The following IQCN variants were observed in gnomAD, a reference collection of about 807,000 sequenced individuals.
The protein encoded by IQCN is IQ domain-containing protein N.
A neutral mutation model predicts 64.4 loss-of-function variants in IQCN; 46 were observed. The observed-to-expected ratio is 0.71, with a 90% CI of 0.56 to 0.91. The LOEUF is 0.91. Among genes scored for constraint, IQCN ranks in the 40% least tolerant of loss-of-function variants. The pLI, the probability that IQCN is intolerant of heterozygous loss-of-function variation, is 0.00. For missense variants in IQCN, 1,753 were observed against 1,857.4 expected (o/e 0.94, Z 1.03); for synonymous variants, 733 against 775.6 (o/e 0.95, Z 0.91).
rs60981546 is a variant in IQCN, at chr19:18,270,051, T to TAAAAAAAAAA, written c.-109-474_-109-465dup. ...GGGAAACTAAGCAAGAACTGTCTCT[T>TAAAAAAAAAA]AAAAAAAAAAAAAAAAAAAAAAAAA... On this transcript the variant is annotated intron_variant, in intron 1 of 3. Coordinates refer to ENST00000392413, the MANE Select transcript of IQCN (RefSeq NM_001145304.2). 4.1e-4 allele frequency among the ~76,000 whole-genome samples: 31 copies of TAAAAAAAAAA among 75,828 alleles called. 2 individuals are homozygous for TAAAAAAAAAA. The highest frequency in any genetic ancestry group is 1.8e-3 in the African/African-American group (28 of 15,926). The allele number at this position is 75,828 out of a possible 152,430, so 49.7% of individuals were successfully genotyped here.
rs190505141 is a variant in IQCN, at chr19:18,271,145, C to T, written c.-109-1558G>A. Among the ~76,000 whole-genome samples the T allele has an allele frequency of 4.4e-4, 65 of 146,596 alleles. No homozygotes were observed. The East Asian group carries it at 0.013, about 28-fold the overall frequency. On this transcript the variant is annotated intron_variant, in intron 1 of 3. Transcript: ENST00000392413. ...CGAGATCACGCAACTGCACTCCAGC[C>T]TGGGCGACAGAGTGAGACTCTGTCT...
chr19:18,272,668 T>A (rs1969760323), intron 1 of IQCN, among the ~76,000 whole-genome samples: 3 of 150,706 alleles, frequency 2.0e-5, no homozygotes, highest in Admixed American at 2.0e-4. Context: ...TGGAGTGCAC[T>A]GGCACCATCT....
chr19:18,257,164 G>A lies in IQCN; in HGVS notation c.*16C>T. The A allele has an allele frequency of 2.5e-6, 4 of 1,610,490 alleles. No homozygotes were observed. Among genetic ancestry groups the A allele is most frequent in the Non-Finnish European group, 2.5e-6 (3 of 1,179,536 alleles). On this transcript the variant is annotated 3_prime_UTR_variant, in exon 4 of 4. Coordinates refer to ENST00000392413, the MANE Select transcript of IQCN (RefSeq NM_001145304.2). Reference sequence around the variant, plus strand: ...GAGTGCCTCCCACGAAGTCCCCACTGCAGGGAGCCAGGGTCCTAGATGCCA... The same window carrying A: ...GAGTGCCTCCCACGAAGTCCCCACTACAGGGAGCCAGGGTCCTAGATGCCA...
At chr19:18,260,107 C>T (rs142426858) in intron 3 of IQCN, 71 of 152,678 alleles carry the variant, frequency 4.7e-4, no homozygotes, top group African/African-American at 1.5e-3. Context: ...CAGGCCTCCT[C>T]ATCAGCATGA....
chr19:18,271,817 G>A (rs548323115), intron 1 of IQCN, among the ~76,000 whole-genome samples: 1 of 152,112 alleles, frequency 6.6e-6, no homozygotes, highest in South Asian at 2.1e-4. Context: ...ATTTATTTAT[G>A]ATTTTTGAGA....
At chr19:18,259,624 G>A (rs1228259565) in intron 3 of IQCN, 9 of 152,280 alleles carry the variant, frequency 5.9e-5, no homozygotes, top group Admixed American at 1.3e-4. Context: ...GCCGCACCAC[G>A]ACCAGCCCTG....
chr19:18,258,294 G>T (rs1244999944), intron 3 of IQCN, 188 bp from the exon 4 acceptor site: 1 of 728,184 alleles, frequency 1.4e-6, no homozygotes, highest in Admixed American at 2.0e-5. Flanking sequence ...CGAGGAGTGT[G>T]TCATCTCCCC....
rs1969534017 is a variant in IQCN, at chr19:18,265,325, G to C, written c.2215C>G (p.Leu739Val). 6.2e-7 allele frequency: 1 copy of C among 1,614,078 alleles called. No homozygotes were observed. The highest frequency in any genetic ancestry group is 8.5e-7 in the Non-Finnish European group (1 of 1,180,046). ...VQSQAPLATC[L>V]TKTQSRGQPI... is the part of the protein sequence containing the mutation. ...TGCCCCCGGGACTGCGTCTTGGTCA[G>C]ACAGGTGGCTAGAGGCGCTTGGGAC... Residue 739 changes from leucine to valine, a missense_variant, in exon 3 of 4, where the codon CTG becomes GTG. Transcript: ENST00000392413. The surrounding 1 kb of genome is among the most constrained non-coding windows in gnomAD (Gnocchi z 4.7).
intron 3 of IQCN, among the ~76,000 whole-genome samples, chr19:18,263,018 T>C (rs1321899122): frequency 6.6e-6 from 1 of 152,132 alleles, no homozygotes; most frequent in Non-Finnish European, 1.5e-5. Flanking sequence ...AGTTAGACAC[T>C]GAGCTGTGTT....
intron 3 of IQCN, chr19:18,258,399 T>C (rs995843044): frequency 1.1e-4 from 69 of 649,978 alleles, no homozygotes; most frequent in Non-Finnish European, 1.9e-4. Flanking sequence ...TTGCACATAC[T>C]GTAAGGGCCT....
At chr19:18,263,294 G>A (rs907351374) in intron 3 of IQCN, among the ~76,000 whole-genome samples, 4 of 152,210 alleles carry the variant, frequency 2.6e-5, no homozygotes, top group African/African-American at 9.6e-5. Flanking sequence ...TTTCGGAATT[G>A]TTCTCCTGAC....
In IQCN at chr19:18,266,428, T is replaced by C. The variant is rs1969586260; in HGVS notation, c.1112A>G (p.Lys371Arg). 1.3e-6 allele frequency: 2 copies of C among 1,585,908 alleles called. No individual in the cohort carries two copies. Among genetic ancestry groups the C allele is most frequent in the East Asian group, 4.5e-5 (2 of 44,610 alleles). ...GGCTGGGGTCTTGATTATTGTTACTTTGGGAACTGGGCTAGTCTTGGGTGG... is the reference window on the plus strand; with the variant it reads ...GGCTGGGGTCTTGATTATTGTTACTCTGGGAACTGGGCTAGTCTTGGGTGG... ...TTPPKTSPVP[K>R]VTIIKTPAQM... is the part of the protein sequence containing the mutation. Residue 371 changes from lysine (K) to arginine (R), a missense_variant, in exon 3 of 4, where the codon AAA (lysine) becomes AGA (arginine). Coordinates refer to ENST00000392413, the MANE Select transcript of IQCN (RefSeq NM_001145304.2). This position sits in a 1 kb window ranked among gnomAD's most constrained non-coding sequence, Gnocchi z 4.3.
Position 18,268,810 on chromosome 19 carries a change from A to T in IQCN, c.13+656T>A, listed in dbSNP as rs200055969. Among the ~76,000 whole-genome samples the T allele has an allele frequency of 1.4e-4, 21 of 151,992 alleles. No homozygotes were observed. The East Asian group carries it at 3.9e-3, about 28-fold the overall frequency. ...AACCCCATCTCTACTGAAAATACAA[A>T]AATTAGCTCGGCATGGTGGCTCGTG... On this transcript the variant is annotated intron_variant, in intron 2 of 3. Transcript: ENST00000392413.
chr19:18,266,322 G>A lies in IQCN; in HGVS notation c.1218C>T (p.His406=), dbSNP rs966978565. Residue 406 remains histidine (H), a synonymous_variant, in exon 3 of 4, where the codon CAC becomes CAT. Transcript: ENST00000392413. This position sits in a 1 kb window ranked among gnomAD's most constrained non-coding sequence, Gnocchi z 4.3. Reference sequence around the variant, plus strand: ...GGGTGCCAGTTCTGGAGGCTGTGGGGTGTACCTGGATCTTGGTCATTGTGG... The same window carrying A: ...GGGTGCCAGTTCTGGAGGCTGTGGGATGTACCTGGATCTTGGTCATTGTGG... ...PMPTMTKIQV[H]PTASRTGTPR... The A allele has an allele frequency of 1.2e-5, 19 of 1,613,382 alleles. No homozygotes were observed. The highest frequency in any genetic ancestry group is 4.0e-5 in the African/African-American group (3 of 74,824).
chr19:18,272,765 C>T (rs1012073070), intron 1 of IQCN, among the ~76,000 whole-genome samples: 1 of 151,964 alleles, frequency 6.6e-6, no homozygotes, highest in Non-Finnish European at 1.5e-5. Context: ...CGCCTGCCAC[C>T]ACGCCCAGTT....
Position 18,270,397 on chromosome 19 carries a change from C to T in IQCN, c.-109-810G>A, listed in dbSNP as rs371943738. 9.3e-5 allele frequency among the ~76,000 whole-genome samples: 14 copies of T among 151,234 alleles called. No individual in the cohort carries two copies. The South Asian group carries it at 1.0e-3, about 11-fold the overall frequency. ...AAAATAGGCCGGGCACAGTGGCTCA[C>T]GTCTGTAACCCCAGCAATTTGGAAG... On this transcript the variant is annotated intron_variant, in intron 1 of 3. Coordinates refer to ENST00000392413, the MANE Select transcript of IQCN (RefSeq NM_001145304.2).
intron 2 of IQCN, 53 bp from the exon 3 acceptor site, chr19:18,267,579 G>A (rs1431722874): frequency 1.3e-6 from 2 of 1,486,366 alleles, no homozygotes; most frequent in Non-Finnish European, 1.8e-6. Context: ...CAAACAAGAG[G>A]TCTCCTGGCT....
At position 18,267,315 on chromosome 19, in the gene IQCN, C is replaced by T. The variant is rs756834136; in HGVS notation, c.225G>A (p.Ala75=). 2.7e-5 allele frequency: 43 copies of T among 1,614,114 alleles called. No individual in the cohort carries two copies. Among genetic ancestry groups the T allele is most frequent in the East Asian group, 6.7e-5 (3 of 44,898 alleles). The change falls in exon 3 of 4, where the codon GCG becomes GCA. Residue 75 remains alanine (A), a synonymous_variant. Coordinates refer to ENST00000392413, the MANE Select transcript of IQCN (RefSeq NM_001145304.2). ...LPQQPAEGKT[A]SRRVPRLRAV... ...CCCGGAGGCGTGGGACGCGGCGGGA[C>T]GCCGTCTTGCCTTCGGCAGGCTGTT...
At position 18,266,664 on chromosome 19, in the gene IQCN, C is replaced by A. The variant is rs1037930807; in HGVS notation, c.876G>T (p.Arg292Ser). The change falls in exon 3 of 4, where the codon AGG (arginine) becomes AGT (serine). Residue 292 changes from arginine to serine, a missense_variant. Coordinates refer to ENST00000392413, the MANE Select transcript of IQCN (RefSeq NM_001145304.2). This position sits in a 1 kb window ranked among gnomAD's most constrained non-coding sequence, Gnocchi z 4.3. ...KRVSARTNKA[R>S]APETPLSRRY... ...TTCTGGACAATGGTGTCTCCGGAGC[C>A]CTGGCTTTGTTGGTCCGGGCACTTA... is the stretch of plus-strand genomic sequence containing the variant. The A allele has an allele frequency of 6.2e-7, 1 of 1,613,872 alleles. No homozygotes were observed. Among genetic ancestry groups the A allele is most frequent in the African/African-American group, 1.3e-5 (1 of 74,806 alleles).
Sources: allele counts gnomAD v4.1 joint callset (sites outside exome capture counted in the v4.1 genomes callset), GRCh38; gene constraint gnomAD v4.1.1; non-coding constraint Gnocchi (gnomAD v3.1); transcripts MANE v1.5; gene names NCBI Gene and HGNC (gene_info 2026-07-23, HGNC 2026-07-21).